Variants in SIN3B observed in about 807,000 individuals in gnomAD.
SIN3B encodes SIN3 transcription regulator family member B.
SIN3B carries 19 observed loss-of-function variants against 120.2 expected under a neutral mutation model. That is an observed-to-expected ratio of 0.16 (90% CI 0.11 to 0.23). The LOEUF is 0.23. Among genes scored for constraint, SIN3B ranks in the 10% least tolerant of loss-of-function variants. The pLI is 1.00. For missense variants in SIN3B, 1,073 were observed against 1,573.0 expected (o/e 0.68, Z 5.38); for synonymous variants, 654 against 653.2 (o/e 1.00, Z -0.02).
At chr19:16,844,586 A>G (rs141041775) in intron 4 of SIN3B, among the ~76,000 whole-genome samples, 1 of 152,318 alleles carries the variant, frequency 6.6e-6, no homozygotes, top group Non-Finnish European at 1.5e-5. Context: ...GTGGGACCCT[A>G]AAAACGAGCT....
intron 8 of SIN3B, among the ~76,000 whole-genome samples, chr19:16,860,153 A>C (rs1971666766): frequency 1.3e-5 from 2 of 152,140 alleles, no homozygotes; most frequent in African/African-American, 4.8e-5. Flanking sequence ...TCCAGAATTG[A>C]AGCGGGCCTC....
At chr19:16,859,170 A>T (rs537711072) in intron 8 of SIN3B, among the ~76,000 whole-genome samples, 44 of 152,228 alleles carry the variant, frequency 2.9e-4, no homozygotes, top group African/African-American at 9.6e-4. Context: ...AAGGAAGCTG[A>T]GGCTCAGGTC....
rs1276375760 is a variant in SIN3B at position 16,847,033 on chromosome 19, G to A, written c.646G>A (p.Glu216Lys). The A allele has an allele frequency of 5.0e-6, 8 of 1,614,074 alleles. No homozygotes were observed. The highest frequency in any genetic ancestry group is 2.2e-5 in the East Asian group (1 of 44,892). The change falls in exon 5 of 19, where the codon GAG becomes AAG. Residue 216 changes from glutamate to lysine, a missense_variant. Transcript: ENST00000248054. The part of the protein sequence containing the change: ...RGMSEEEVFT[E>K]VANLFRGQED... ...CATGTCTGAAGAGGAGGTGTTCACC[G>A]AGGTGGCCAACCTCTTCCGGGGCCA...
intron 8 of SIN3B, among the ~76,000 whole-genome samples, chr19:16,859,604 T>A (rs1971660137): frequency 6.6e-6 from 1 of 152,150 alleles, no homozygotes; most frequent in Non-Finnish European, 1.5e-5. Flanking sequence ...TTTCTTGGGC[T>A]GCTGAAGGTC....
intron 14 of SIN3B, among the ~76,000 whole-genome samples, chr19:16,875,480 TG>T (rs2051583889): frequency 6.8e-6 from 1 of 147,818 alleles, no homozygotes; most frequent in African/African-American, 2.5e-5. Flanking sequence ...GGTTTTGGTC[TG>T]GTTTGGGTCT....
intron 3 of SIN3B, among the ~76,000 whole-genome samples, chr19:16,832,646 G>A (rs1257192853): frequency 6.6e-6 from 1 of 151,688 alleles, no homozygotes; most frequent in Non-Finnish European, 1.5e-5. Context: ...GACTACAGGC[G>A]TGCACCACCA....
At chr19:16,849,258 A>G (rs1375280819) in intron 5 of SIN3B, among the ~76,000 whole-genome samples, 1 of 152,238 alleles carries the variant, frequency 6.6e-6, no homozygotes, top group East Asian at 1.9e-4. Flanking sequence ...AACCTTCTCT[A>G]CAAAGGGCCA....
intron 3 of SIN3B, among the ~76,000 whole-genome samples, chr19:16,835,919 G>A (rs1971342434): frequency 6.6e-6 from 1 of 152,194 alleles, no homozygotes; most frequent in Non-Finnish European, 1.5e-5. Context: ...GGGATTACAG[G>A]TGTGACCCAC....
chr19:16,850,050 T>C (rs1971525499), intron 5 of SIN3B, among the ~76,000 whole-genome samples: 1 of 152,002 alleles, frequency 6.6e-6, no homozygotes, highest in African/African-American at 2.4e-5. Flanking sequence ...TTTTGGGTAA[T>C]TATTCCCCCC....
At position 16,878,336 on chromosome 19, in the gene SIN3B, C is replaced by T. The variant is rs2051639713; in HGVS notation, c.3108C>T (p.Ile1036=). The T allele has an allele frequency of 6.2e-6, 10 of 1,612,576 alleles. No individual in the cohort carries two copies. Among genetic ancestry groups the T allele is most frequent in the African/African-American group, 1.3e-5 (1 of 75,050 alleles). ...FKLSTHKMVF[I]VNSEDYMYRR... is the part of the protein sequence containing the mutation. ...TCAGCACTCACAAGATGGTGTTCAT[C>T]GTGAACTCCGAGGACTACATGTACC... Residue 1036 remains isoleucine (I), a synonymous_variant, in exon 18 of 19, where the codon ATC becomes ATT. Coordinates refer to ENST00000248054, the MANE Select transcript of SIN3B (RefSeq NM_001297595.2).
intron 8 of SIN3B, among the ~76,000 whole-genome samples, chr19:16,860,130 G>A (rs1207939761): frequency 2.0e-5 from 3 of 152,210 alleles, no homozygotes; most frequent in African/African-American, 7.2e-5. Context: ...GGAAGGGTCT[G>A]TATGGAGCAA....
intron 8 of SIN3B, among the ~76,000 whole-genome samples, chr19:16,858,212 C>T (rs1262284931): frequency 2.6e-5 from 4 of 152,112 alleles, no homozygotes; most frequent in African/African-American, 7.2e-5. Flanking sequence ...TCGTAAGTCT[C>T]CTTTCACCTC....
intron 12 of SIN3B, among the ~76,000 whole-genome samples, chr19:16,868,544 TA>T (rs1456843253): frequency 6.6e-6 from 1 of 151,940 alleles, no homozygotes; most frequent in Non-Finnish European, 1.5e-5. Flanking sequence ...ATGATCTAGA[TA>T]AAGACCAAGG....
chr19:16,834,970 A>C (rs1189402014), intron 3 of SIN3B, among the ~76,000 whole-genome samples: 2 of 141,716 alleles, frequency 1.4e-5, no homozygotes, highest in Non-Finnish European at 3.0e-5. Context: ...CTCTTTACCC[A>C]CGCTGGAGTG....
In SIN3B at chr19:16,878,960, CAG is replaced by C. The variant is rs1044547356; in HGVS notation, c.*234_*235del. 24 of 555,678 alleles carry C rather than the reference CAG, an allele frequency of 4.3e-5. No homozygotes were observed. Among genetic ancestry groups the C allele is most frequent in the African/African-American group, 3.9e-4 (20 of 51,896 alleles). The allele number at this position is 555,678 out of a possible 1,614,324, so 34.4% of individuals were successfully genotyped here. Reference sequence around the variant, plus strand: ...CGAGCCCTGGGGCTCAGCCCCACCACAGGGGCGGGTGGACGTGCTGGCCGAGG... The same window carrying C: ...CGAGCCCTGGGGCTCAGCCCCACCACGGGCGGGTGGACGTGCTGGCCGAGG... On this transcript the variant is annotated 3_prime_UTR_variant, in exon 19 of 19. Transcript: ENST00000248054.
chr19:16,850,085 T>C (rs1021195172), intron 5 of SIN3B, among the ~76,000 whole-genome samples: 2 of 151,824 alleles, frequency 1.3e-5, no homozygotes, highest in South Asian at 2.1e-4. Context: ...AAAACTCAAA[T>C]AGCCTTGAGT....
chr19:16,866,606 T>C, intron 12 of SIN3B, 50 bp downstream of exon 12: 1 of 1,569,060 alleles, frequency 6.4e-7, no homozygotes, highest in South Asian at 1.1e-5. Context: ...GTCCTGGCTC[T>C]CCCGACCGCC....
At chr19:16,873,178 G>C (rs2051535020) in intron 14 of SIN3B, among the ~76,000 whole-genome samples, 1 of 152,154 alleles carries the variant, frequency 6.6e-6, no homozygotes, top group Non-Finnish European at 1.5e-5. Context: ...CTGGGGCCCT[G>C]TCCTTTCATG....
In SIN3B at chr19:16,862,292, C is replaced by T; in HGVS notation, c.1059-60C>T. 1 of 1,368,598 alleles carries T rather than the reference C, an allele frequency of 7.3e-7. No individual in the cohort carries two copies. Among genetic ancestry groups the T allele is most frequent in the Non-Finnish European group, 1.0e-6 (1 of 969,734 alleles). 84.8% of individuals were successfully genotyped at this position (1,368,598 alleles called of 1,614,324 possible). ...TCCACATGAAGCCATTCTAAAATCT[C>T]CAGATCCCTCTCAGAAGGCCCTGGG... On this transcript the variant is annotated intron_variant, in intron 8 of 18. Coordinates refer to ENST00000248054, the MANE Select transcript of SIN3B (RefSeq NM_001297595.2). The surrounding 1 kb of genome is among the most constrained non-coding windows in gnomAD (Gnocchi z 4.7).
Sources: gnomAD v4.1 joint callset for allele counts (sites outside exome capture counted in the v4.1 genomes callset) on GRCh38, gnomAD v4.1.1 for gene constraint, Gnocchi (gnomAD v3.1) non-coding constraint, MANE v1.5 for transcripts, NCBI Gene and HGNC (gene_info 2026-07-23, HGNC 2026-07-21) for gene names.